Variants in NPHP3 observed in about 807,000 individuals in gnomAD.
The protein encoded by NPHP3 is nephrocystin-3.
NPHP3 carries 123 observed loss-of-function variants against 171.9 expected under a neutral mutation model. The observed-to-expected ratio is 0.72, with a 90% CI of 0.62 to 0.83. NPHP3 has a LOEUF of 0.83. NPHP3 is among the 40% of genes least tolerant of loss of function. The probability of loss-of-function intolerance (pLI) is 0.00; values close to 1 mark genes in which losing one functional copy is unlikely to be tolerated. For missense variants in NPHP3, 1,506 were observed against 1,591.9 expected, an observed-to-expected ratio of 0.95 and a Z score of 0.92; for synonymous variants, 558 against 579.2, an observed-to-expected ratio of 0.96 and a Z score of 0.52.
chr3:132,692,999 T>C, intron 16 of NPHP3, 181 bp from the exon 17 acceptor site: 1 of 608,672 alleles, frequency 1.6e-6, no homozygotes, highest in South Asian at 2.0e-5. Context: ...TTAATGAAGA[T>C]TAAGATAGTG....
chr3:132,712,175 T>C (rs766194303), intron 6 of NPHP3, among the ~76,000 whole-genome samples: 2 of 152,232 alleles, frequency 1.3e-5, no homozygotes, highest in Admixed American at 6.5e-5. Flanking sequence ...TATAAGAACA[T>C]TGTTCACTTT....
In NPHP3 at chr3:132,711,250, C is replaced by G. The variant is rs143386367; in HGVS notation, c.1118+1876G>C. 4.4e-3 allele frequency among the ~76,000 whole-genome samples: 675 copies of G among 152,152 alleles called. 7 individuals carry two copies. Among genetic ancestry groups the G allele is most frequent in the African/African-American group, 0.016 (649 of 41,504 alleles). ...CCATCCCCACTGCCATACCTCTTGA[C>G]AGGCATGAAAGAAACAAATAATAAA... On this transcript the variant is annotated intron_variant, in intron 6 of 26. Coordinates refer to ENST00000337331, the MANE Select transcript of NPHP3 (RefSeq NM_153240.5).
At chr3:132,706,155 C>T (rs779584232) in intron 7 of NPHP3, among the ~76,000 whole-genome samples, 15 of 151,912 alleles carry the variant, frequency 9.9e-5, no homozygotes, top group South Asian at 4.1e-4. Context: ...GTCAGGAGAT[C>T]AAGACCATCC....
intron 15 of NPHP3, among the ~76,000 whole-genome samples, chr3:132,696,215 TAG>T (rs1939450234): frequency 6.6e-6 from 1 of 151,962 alleles, no homozygotes; most frequent in African/African-American, 2.4e-5. Flanking sequence ...CGGTTGAGAA[TAG>T]ATAGAATAGG....
intron 6 of NPHP3, chr3:132,712,451 T>C (rs778099080): frequency 2.8e-5 from 13 of 456,874 alleles, no homozygotes; most frequent in Middle Eastern, 3.2e-4. Flanking sequence ...TTTGCTATTA[T>C]AGTATGAAGG....
intron 11 of NPHP3, 108 bp downstream of exon 11, chr3:132,700,226 A>G (rs1560008340): frequency 3.4e-6 from 4 of 1,164,084 alleles, no homozygotes; most frequent in African/African-American, 1.5e-5. Context: ...TATAAAACCA[A>G]AACAGGTGGA....
At chr3:132,709,684 G>T (rs749219583) in intron 6 of NPHP3, among the ~76,000 whole-genome samples, 1 of 152,010 alleles carries the variant, frequency 6.6e-6, no homozygotes, top group Non-Finnish European at 1.5e-5. Context: ...ATGTTTTTGT[G>T]GGGGGTGTGT....
At chr3:132,695,100 G>C in intron 15 of NPHP3, 135 bp from the exon 16 acceptor site, 2 of 788,520 alleles carry the variant, frequency 2.5e-6, no homozygotes, top group South Asian at 3.1e-5. Flanking sequence ...CATGATAAAG[G>C]AAAGTGGTAG....
intron 9 of NPHP3, among the ~76,000 whole-genome samples, chr3:132,703,115 T>C (rs1939658569): frequency 1.3e-5 from 2 of 152,262 alleles, no homozygotes; most frequent in Non-Finnish European, 2.9e-5. Flanking sequence ...AAGCACTTTA[T>C]GTGCATTATC....
intron 5 of NPHP3, among the ~76,000 whole-genome samples, chr3:132,713,675 G>A (rs1939972794): frequency 6.6e-6 from 1 of 151,994 alleles, no homozygotes; most frequent in Admixed American, 6.6e-5. Flanking sequence ...AAACATCCAC[G>A]ATGATATATC....
At chr3:132,703,568 T>C (rs914079869) in intron 9 of NPHP3, among the ~76,000 whole-genome samples, 1 of 150,566 alleles carries the variant, frequency 6.6e-6, no homozygotes, top group African/African-American at 2.5e-5. Context: ...TTTTCTTTTC[T>C]TTCTTTCTTT....
rs1939604986 is a variant in NPHP3 at position 132,701,506 on chromosome 3, C to T, written c.1552G>A (p.Ala518Thr). 1.2e-6 allele frequency: 2 copies of T among 1,613,482 alleles called. No homozygotes were observed. The highest frequency in any genetic ancestry group is 1.6e-4 in the Middle Eastern group (1 of 6,062). The stretch of plus-strand genomic sequence containing the variant: ...AGAGGTGGAATCGGGGCTGGTGCTG[C>T]CACTAGATCATTAAGGCGTTGGTAA... ...KYYQRLNDLV[A>T]APAPIPPLLV... The change falls in exon 10 of 27, where the codon GCA (alanine) becomes ACA (threonine). Residue 518 changes from alanine to threonine, a missense_variant. Transcript: ENST00000337331.
chr3:132,700,442 T>C lies in NPHP3; in HGVS notation c.1635A>G (p.Gln545=), dbSNP rs1204359841. The C allele has an allele frequency of 6.3e-6, 10 of 1,593,844 alleles. No homozygotes were observed. Among genetic ancestry groups the C allele is most frequent in the Admixed American group, 3.4e-5 (2 of 58,708 alleles). ...GKSLLLSKWI[Q]LQQKNSPNTL... ...TGTTGGGGGAATTCTTCTGTTGTAA[T>C]TGAATCCTGAAAGAAAAAGACAGAA... The change falls in exon 11 of 27, where the codon CAA becomes CAG. Residue 545 remains glutamine, a synonymous_variant. Transcript: ENST00000337331.
rs1182559862 is a variant in NPHP3 at position 132,720,819 on chromosome 3, TAA to T, written c.394-991_394-990del. Among the ~76,000 whole-genome samples the T allele has an allele frequency of 3.9e-5, 6 of 151,994 alleles. No individual in the cohort carries two copies. In the South Asian group the frequency reaches 8.3e-4, roughly 21 times the overall value. ...GGCTGCCTATAAGTCTCTCCCACAG[TAA>T]AGAGTACACAAACGACACAACAACG... is the stretch of plus-strand genomic sequence containing the variant. On this transcript the variant is annotated intron_variant, in intron 1 of 26. Coordinates refer to ENST00000337331, the MANE Select transcript of NPHP3 (RefSeq NM_153240.5).
At chr3:132,706,860 A>G (rs1237914871) in intron 7 of NPHP3, among the ~76,000 whole-genome samples, 1 of 152,222 alleles carries the variant, frequency 6.6e-6, no homozygotes, top group African/African-American at 2.4e-5. Flanking sequence ...ATACTACAAT[A>G]ATTAAAACAA....
Position 132,688,691 on chromosome 3 carries a change from A to G in NPHP3, c.3084T>C (p.Arg1028=). The change falls in exon 21 of 27, where the codon CGT becomes CGC. Residue 1028 remains arginine (R), a synonymous_variant. Coordinates refer to ENST00000337331, the MANE Select transcript of NPHP3 (RefSeq NM_153240.5). ...ACAAAGTTGCAAGTGCTTCAAGTTCACGAGCAGTATATGGATGGTCCGCAC... is the reference window on the plus strand; with the variant it reads ...ACAAAGTTGCAAGTGCTTCAAGTTCGCGAGCAGTATATGGATGGTCCGCAC... ...AYGADHPYTA[R]ELEALATLYQ... 2 of 1,614,152 alleles carry G rather than the reference A, an allele frequency of 1.2e-6. No individual in the cohort carries two copies. Among genetic ancestry groups the G allele is most frequent in the African/African-American group, 2.7e-5 (2 of 75,050 alleles).
Position 132,714,443 on chromosome 3 carries a change from G to A in NPHP3, c.957+642C>T, listed in dbSNP as rs142103212. Among the ~76,000 whole-genome samples, 299 of 151,904 alleles carry A rather than the reference G, an allele frequency of 2.0e-3. 2 individuals carry two copies. Among genetic ancestry groups the A allele is most frequent in the African/African-American group, 6.6e-3 (273 of 41,384 alleles). ...GACAGACTCAAGGATAGAGCTGGAA[G>A]AGAGAGTAACTAAAGTAGACACAAT... is the stretch of plus-strand genomic sequence containing the variant. On this transcript the variant is annotated intron_variant, in intron 5 of 26. Coordinates refer to ENST00000337331, the MANE Select transcript of NPHP3 (RefSeq NM_153240.5).
intron 6 of NPHP3, among the ~76,000 whole-genome samples, chr3:132,710,158 G>A (rs1939869734): frequency 6.6e-6 from 1 of 152,104 alleles, no homozygotes; most frequent in Non-Finnish European, 1.5e-5. Context: ...TTGCACTTTA[G>A]GATCCCTTCA....
intron 4 of NPHP3, among the ~76,000 whole-genome samples, chr3:132,716,183 A>T (rs576285577): frequency 1.3e-5 from 2 of 152,218 alleles, no homozygotes; most frequent in Non-Finnish European, 2.9e-5. Context: ...CCCTGCTTTA[A>T]ATAATCTCTA....
Sources: allele counts gnomAD v4.1 joint callset (sites outside exome capture counted in the v4.1 genomes callset), GRCh38; gene constraint gnomAD v4.1.1; transcripts MANE v1.5; gene names NCBI Gene and HGNC (gene_info 2026-07-23, HGNC 2026-07-21).